The following PRKN variants were observed in gnomAD, a reference collection of about 807,000 sequenced individuals.
The protein encoded by PRKN is parkin RBR E3 ubiquitin protein ligase.
PRKN carries 56 observed loss-of-function variants against 59.5 expected under a neutral mutation model. The observed-to-expected ratio is 0.94, with a 90% CI of 0.76 to 1.18. The LOEUF (loss-of-function observed/expected upper bound fraction) is 1.18. Among genes scored for constraint, PRKN ranks in the 50% most tolerant of loss-of-function variants. The pLI, the probability that PRKN is intolerant of heterozygous loss-of-function variation, is 0.00. For missense variants in PRKN, 657 were observed against 596.4 expected (o/e 1.10, Z -1.06); for synonymous variants, 250 against 222.1 (o/e 1.13, Z -1.12).
chr6:162,282,478 A>G (rs911586540), intron 2 of PRKN, among the ~76,000 whole-genome samples: 5 of 152,224 alleles, frequency 3.3e-5, no homozygotes, highest in African/African-American at 1.2e-4. Context: ...TACACTATTA[A>G]GCTATCTTGG....
intron 2 of PRKN, among the ~76,000 whole-genome samples, chr6:162,325,139 T>TGCCAACCAAATAATGGGTTA (rs75305414): frequency 6.6e-6 from 1 of 151,918 alleles, no homozygotes; most frequent in Non-Finnish European, 1.5e-5. Flanking sequence ...ACTTTATTAG[T>TGCCAACCAAATAATGGGTTA]GCTAGAGCCC....
At chr6:162,005,149 C>A (rs1289944435) in intron 5 of PRKN, among the ~76,000 whole-genome samples, 1 of 151,942 alleles carries the variant, frequency 6.6e-6, no homozygotes, top group Non-Finnish European at 1.5e-5. Flanking sequence ...TAAGTTAGTA[C>A]AATTAAGTAA....
At chr6:161,897,693 C>G (rs1035802375) in intron 6 of PRKN, among the ~76,000 whole-genome samples, 127 of 152,192 alleles carry the variant, frequency 8.3e-4, no homozygotes, top group Middle Eastern at 3.4e-3. Context: ...AAATGTCTCC[C>G]AGTTGCGGCC....
At chr6:162,681,315 A>T (rs1426229354) in intron 1 of PRKN, among the ~76,000 whole-genome samples, 1 of 152,204 alleles carries the variant, frequency 6.6e-6, no homozygotes, top group Non-Finnish European at 1.5e-5. Context: ...AATTAAAGAA[A>T]ACTTAAAGGT....
At chr6:162,214,237 A>G (rs1234946373) in intron 3 of PRKN, among the ~76,000 whole-genome samples, 1 of 152,200 alleles carries the variant, frequency 6.6e-6, no homozygotes, top group Non-Finnish European at 1.5e-5. Context: ...CCAGAGTTCT[A>G]TGACTTCCAA....
At chr6:161,957,418 T>C (rs928851081) in intron 6 of PRKN, among the ~76,000 whole-genome samples, 1 of 119,816 alleles carries the variant, frequency 8.3e-6, no homozygotes, top group African/African-American at 3.9e-5. Context: ...TGTTTTTTTT[T>C]TGTTTGTTTG....
chr6:161,900,253 C>A (rs1031560835), intron 6 of PRKN, among the ~76,000 whole-genome samples: 100 of 150,950 alleles, frequency 6.6e-4, no homozygotes, highest in African/African-American at 2.4e-3. Context: ...TTGGACTATG[C>A]ACCGTGCAGG....
chr6:162,219,003 G>T (rs949147744), intron 3 of PRKN, among the ~76,000 whole-genome samples: 1 of 151,984 alleles, frequency 6.6e-6, no homozygotes, highest in Admixed American at 6.6e-5. Context: ...GAGAAACCCT[G>T]TCTCTACCTA....
In PRKN at chr6:161,459,455, AC is replaced by A. The variant is rs1317808437; in HGVS notation, c.1084-72579del. Among the ~76,000 whole-genome samples the A allele has an allele frequency of 4.6e-5, 7 of 152,220 alleles. No homozygotes were observed. The highest frequency in any genetic ancestry group is 8.8e-5 in the Non-Finnish European group (6 of 68,030). The stretch of plus-strand genomic sequence containing the variant: ...CAGAGGCCTGTTTACAAATGGAGCC[AC>A]CATTTCTTAGTGTGGAGTGCAGGGA... On this transcript the variant is annotated intron_variant, in intron 9 of 11. Coordinates refer to ENST00000366898, the MANE Select transcript of PRKN (RefSeq NM_004562.3). The surrounding 1 kb of genome is among the most constrained non-coding windows in gnomAD (Gnocchi z 4.8).
chr6:162,335,052 C>T (rs547342174), intron 2 of PRKN, among the ~76,000 whole-genome samples: 2 of 152,214 alleles, frequency 1.3e-5, no homozygotes, highest in Admixed American at 1.3e-4. Flanking sequence ...CTTGCTCTGT[C>T]CTCCAGGCTG....
intron 2 of PRKN, among the ~76,000 whole-genome samples, chr6:162,390,374 G>GGT (rs1787106826): frequency 2.4e-4 from 16 of 65,312 alleles, no homozygotes; most frequent in Admixed American, 8.7e-4. Flanking sequence ...ATACTGCTAA[G>GGT]GTATATATAT....
intron 1 of PRKN, among the ~76,000 whole-genome samples, chr6:162,643,335 T>C (rs954948190): frequency 7.5e-6 from 1 of 133,412 alleles, no homozygotes; most frequent in African/African-American, 2.9e-5. Flanking sequence ...GAGGTGGAGG[T>C]TGCAGTGAGC....
chr6:161,555,997 CTATT>C (rs1168060065), intron 8 of PRKN, among the ~76,000 whole-genome samples: 2 of 152,130 alleles, frequency 1.3e-5, no homozygotes, highest in African/African-American at 2.4e-5. Flanking sequence ...ATCACCTAGT[CTATT>C]TAATTTAGTT....
In PRKN at chr6:162,503,129, T is replaced by C. The variant is rs552896562; in HGVS notation, c.8-59656A>G. On this transcript the variant is annotated intron_variant, in intron 1 of 11. Coordinates refer to ENST00000366898, the MANE Select transcript of PRKN (RefSeq NM_004562.3). ...ATTTGGCACCCTACAGAAAATAGTC[T>C]TCATTTCTTTTTTTTTTTTTTTTTT... is the stretch of plus-strand genomic sequence containing the variant. Among the ~76,000 whole-genome samples, 45 of 146,124 alleles carry C rather than the reference T, an allele frequency of 3.1e-4. 1 individual carries two copies. The East Asian group carries it at 7.3e-3, about 24-fold the overall frequency.
At chr6:162,684,866 G>T (rs1416696211) in intron 1 of PRKN, among the ~76,000 whole-genome samples, 3 of 152,054 alleles carry the variant, frequency 2.0e-5, no homozygotes, top group African/African-American at 7.2e-5. Flanking sequence ...ACAAATAAGG[G>T]AATAAGTATT....
chr6:162,581,055 T>C (rs1472107633), intron 1 of PRKN, among the ~76,000 whole-genome samples: 2 of 152,116 alleles, frequency 1.3e-5, no homozygotes, highest in Admixed American at 1.3e-4. Flanking sequence ...GAGTCAAAAG[T>C]GCCACAGCAG....
At chr6:161,433,909 C>T (rs897080910) in intron 9 of PRKN, among the ~76,000 whole-genome samples, 13 of 151,960 alleles carry the variant, frequency 8.6e-5, no homozygotes, top group Admixed American at 5.2e-4. Flanking sequence ...CCCAGCTACT[C>T]GGGAGGCTGA....
rs925990994 is a variant in PRKN, at chr6:161,400,416, T to G, written c.1084-13539A>C. On this transcript the variant is annotated intron_variant, in intron 9 of 11. Coordinates refer to ENST00000366898, the MANE Select transcript of PRKN (RefSeq NM_004562.3). This position sits in a 1 kb window ranked among gnomAD's most constrained non-coding sequence, Gnocchi z 4.2. ...TGTACCTCCCAGGTTCAAGCAATTC[T>G]CCTGCCTCAGCCTCCCAAGTAGCTG... 1.1e-4 allele frequency among the ~76,000 whole-genome samples: 17 copies of G among 151,984 alleles called. 1 individual carries two copies. In the South Asian group the frequency reaches 3.5e-3, roughly 32 times the overall value.
At chr6:162,465,163 A>C (rs1791358608) in intron 1 of PRKN, among the ~76,000 whole-genome samples, 1 of 152,206 alleles carries the variant, frequency 6.6e-6, no homozygotes, top group Non-Finnish European at 1.5e-5. Flanking sequence ...TGAACATTTT[A>C]AAGAAAAACC....
Sources: allele counts gnomAD v4.1 joint callset (sites outside exome capture counted in the v4.1 genomes callset), GRCh38; gene constraint gnomAD v4.1.1; non-coding constraint Gnocchi (gnomAD v3.1); transcripts MANE v1.5; gene names NCBI Gene and HGNC (gene_info 2026-07-23, HGNC 2026-07-21).